Variants in PENK observed in about 807,000 individuals in gnomAD.
PENK encodes the protein proenkephalin-A.
PENK carries 25 observed loss-of-function variants against 24.1 expected under a neutral mutation model. The observed-to-expected ratio is 1.04, with a 90% confidence interval of 0.76 to 1.45. The LOEUF (loss-of-function observed/expected upper bound fraction) is 1.45, where lower values mean the gene tolerates loss of function less well. Ranked by LOEUF, PENK falls within the 40% of genes most tolerant of loss-of-function variation. The pLI is 0.00. For synonymous variants in PENK, 135 were observed against 130.3 expected, an observed-to-expected ratio of 1.04 and a Z score of -0.24; for missense variants, 353 against 337.9, an observed-to-expected ratio of 1.04 and a Z score of -0.35.
chr8:56,442,005 G>A (rs1246726703), intron 3 of PENK, 68 bp from the exon 4 acceptor site: 3 of 1,249,042 alleles, frequency 2.4e-6, no homozygotes, highest in Admixed American at 2.2e-5. Flanking sequence ...ATGAACTTTT[G>A]TGGACCAAAA....
Position 56,446,179 on chromosome 8 carries a change from C to T in PENK, c.-3-223G>A, listed in dbSNP as rs1423762837. The stretch of plus-strand genomic sequence containing the variant: ...CGGGATGGCGCGGTCGCCCCCAACG[C>T]GAGGCTGCCTGGGGCACCCGGCTCT... On this transcript the variant is annotated intron_variant, in intron 2 of 3. Coordinates refer to ENST00000451791, the MANE Select transcript of PENK (RefSeq NM_001135690.3). The T allele has an allele frequency of 5.5e-6, 3 of 545,544 alleles. No homozygotes were observed. The Admixed American group carries it at 9.4e-5, about 17-fold the overall frequency. The allele number at this position is 545,544 out of a possible 1,614,324, so 33.8% of individuals were successfully genotyped here.
chr8:56,443,799 T>A, intron 3 of PENK: 1 of 520,640 alleles, frequency 1.9e-6, no homozygotes, highest in Non-Finnish European at 3.4e-6. Context: ...AAATGTAGGG[T>A]CCAATGCAAA....
rs578152857 is a variant in PENK at position 56,441,797 on chromosome 8, G to T, written c.279C>A (p.Ser93Arg). 6.8e-6 allele frequency: 11 copies of T among 1,614,074 alleles called. No homozygotes were observed. In the East Asian group the frequency reaches 1.6e-4, roughly 23 times the overall value. Reference protein sequence around the residue: ...TLRENSKPEESHLLAKRYGGF... With the variant: ...TLRENSKPEERHLLAKRYGGF... Reference sequence around the variant, plus strand: ...CCCCATACCTTTTGGCTAGCAAATGGCTTTCTTCCGGTTTGCTATTTTCTC... The same window carrying T: ...CCCCATACCTTTTGGCTAGCAAATGTCTTTCTTCCGGTTTGCTATTTTCTC... The change falls in exon 4 of 4, where the codon AGC becomes AGA. Residue 93 changes from serine to arginine, a missense_variant. Ser to Arg is a moderately radical substitution (Grantham distance 110). Coordinates refer to ENST00000451791, the MANE Select transcript of PENK (RefSeq NM_001135690.3).
In PENK at chr8:56,445,876, G is replaced by A. The variant is rs1804651147; in HGVS notation, c.78C>T (p.Cys26=). Residue 26 remains cysteine, a synonymous_variant, in exon 3 of 4, where the codon TGC becomes TGT. Coordinates refer to ENST00000451791, the MANE Select transcript of PENK (RefSeq NM_001135690.3). ...PGLLATVRAE[C]SQDCATCSYR... ...AGCTGCACGTCGCGCAATCCTGGCT[G>A]CATTCGGCCCGCACGGTCGCCAGGA... The A allele has an allele frequency of 6.8e-6, 11 of 1,613,068 alleles. No individual in the cohort carries two copies. In the East Asian group the frequency reaches 2.5e-4, roughly 36 times the overall value.
intron 3 of PENK, chr8:56,443,931 A>T (rs1434801395): frequency 1.4e-6 from 1 of 701,246 alleles, no homozygotes; most frequent in South Asian, 1.5e-5. Flanking sequence ...AAGTAATGAT[A>T]ATAGTAATAA....
At position 56,445,783 on chromosome 8, in the gene PENK, A is replaced by C. The variant is rs759775174; in HGVS notation, c.138+33T>G. 2.5e-6 allele frequency: 4 copies of C among 1,612,734 alleles called. No homozygotes were observed. In the South Asian group the frequency reaches 4.4e-5, roughly 18 times the overall value. On this transcript the variant is annotated intron_variant, in intron 3 of 3. Coordinates refer to ENST00000451791, the MANE Select transcript of PENK (RefSeq NM_001135690.3). ...ACTGTTGCGGAAACTCTGTCTCACA[A>C]GGTGCGCAACACTCGCCGCGCGCAA...
rs1322124726 is a variant in PENK at position 56,441,441 on chromosome 8, C to A, written c.635G>T (p.Gly212Val). 5 of 1,613,810 alleles carry A rather than the reference C, an allele frequency of 3.1e-6. No homozygotes were observed. The highest frequency in any genetic ancestry group is 4.2e-6 in the Non-Finnish European group (5 of 1,180,002). The change falls in exon 4 of 4, where the codon GGC (glycine) becomes GTC (valine). Residue 212 changes from glycine to valine, a missense_variant. Physicochemically the swap from Gly to Val is moderately radical, Grantham distance 109 (BLOSUM62 -3). Transcript: ENST00000451791. ...EAKELQKRYG[G>V]FMRRVGRPEW... is the part of the protein sequence containing the mutation. ...TGGGCGACCTACTCTTCTCATGAAG[C>A]CCCCATATCGCTTCTGCAGCTCTTT...
intron 3 of PENK, among the ~76,000 whole-genome samples, chr8:56,444,710 C>G (rs532673682): frequency 6.6e-6 from 1 of 152,332 alleles, no homozygotes; most frequent in Non-Finnish European, 1.5e-5. Flanking sequence ...AACATTTAAC[C>G]TGAAATATAT....
At chr8:56,443,948 A>G in intron 3 of PENK, 1 of 701,934 alleles carries the variant, frequency 1.4e-6, no homozygotes, top group East Asian at 2.7e-5. Flanking sequence ...ATAAGTGATA[A>G]CAACAAGAGC....
At position 56,445,805 on chromosome 8, in the gene PENK, G is replaced by C. The variant is rs764634140; in HGVS notation, c.138+11C>G. 1.9e-6 allele frequency: 3 copies of C among 1,613,302 alleles called. No individual in the cohort carries two copies. The highest frequency in any genetic ancestry group is 1.1e-5 in the South Asian group (1 of 91,088). ...ACAAGGTGCGCAACACTCGCCGCGC[G>C]CAACACTCACCAGGAAGTTGATGTC... On this transcript the variant is annotated intron_variant, in intron 3 of 3. Transcript: ENST00000451791.
At position 56,441,347 on chromosome 8, in the gene PENK, G is replaced by A. The variant is rs35794206; in HGVS notation, c.729C>T (p.Ser243=). 9,299 of 1,613,738 alleles carry A rather than the reference G, an allele frequency of 5.8e-3. 447 individuals are homozygous for A. In the African/African-American group the frequency reaches 0.11, roughly 19 times the overall value. The part of the protein sequence containing the change: ...FLKRFAEALP[S]DEEGESYSKE... ...TGGAGTAACTTTCGCCTTCTTCGTC[G>A]GAGGGCAGAGCCTCGGCAAAGCGCT... The change falls in exon 4 of 4, where the codon TCC becomes TCT. Residue 243 remains serine (S), a synonymous_variant. Coordinates refer to ENST00000451791, the MANE Select transcript of PENK (RefSeq NM_001135690.3).
intron 3 of PENK, among the ~76,000 whole-genome samples, chr8:56,443,306 G>C (rs1804591571): frequency 6.6e-6 from 1 of 152,180 alleles, no homozygotes; most frequent in East Asian, 1.9e-4. Flanking sequence ...TTCTAAAGTT[G>C]TATCTAAGTG....
At chr8:56,442,882 T>G (rs1585998507) in intron 3 of PENK, among the ~76,000 whole-genome samples, 1 of 67,352 alleles carries the variant, frequency 1.5e-5, no homozygotes, top group South Asian at 4.3e-4. Flanking sequence ...TGATCTTAAG[T>G]TTTTTTCTAT....
chr8:56,441,344 G>A lies in PENK; in HGVS notation c.732C>T (p.Asp244=), dbSNP rs756378387. 1.2e-5 allele frequency: 19 copies of A among 1,613,556 alleles called. No individual in the cohort carries two copies. The highest frequency in any genetic ancestry group is 5.5e-5 in the South Asian group (5 of 91,060). The change falls in exon 4 of 4, where the codon GAC becomes GAT. Residue 244 remains aspartate (D), a synonymous_variant. Transcript: ENST00000451791. ...LKRFAEALPS[D]EEGESYSKEV... is the part of the protein sequence containing the mutation. The stretch of plus-strand genomic sequence containing the variant: ...CTTTGGAGTAACTTTCGCCTTCTTC[G>A]TCGGAGGGCAGAGCCTCGGCAAAGC...
At chr8:56,445,776 T>A (rs1477062723) in intron 3 of PENK, 40 bp downstream of exon 3, 7 of 1,612,626 alleles carry the variant, frequency 4.3e-6, no homozygotes, top group Non-Finnish European at 5.9e-6. Flanking sequence ...GGAAACTCTG[T>A]CTCACAAGGT....
intron 3 of PENK, 91 bp downstream of exon 3, chr8:56,445,725 C>G (rs763228442): frequency 5.2e-6 from 8 of 1,552,060 alleles, no homozygotes; most frequent in Non-Finnish European, 7.1e-6. Context: ...AACCGCCATA[C>G]GCGCCGCGCG....
intron 3 of PENK, 59 bp downstream of exon 3, chr8:56,445,757 T>G: frequency 6.2e-7 from 1 of 1,606,024 alleles, no homozygotes; most frequent in Non-Finnish European, 8.5e-7. Flanking sequence ...GCAGTCCGCG[T>G]ACTGTTGCGG....
In PENK at chr8:56,441,613, C is replaced by T. The variant is rs34778389; in HGVS notation, c.463G>A (p.Asp155Asn). The part of the protein sequence containing the change: ...EEDDSLANSS[D>N]LLKELLETGD... ...GTTTCCAGAAGCTCTTTTAGCAGGTCTGAGGAATTGGCCAGCGAGTCGTCC... is the reference window on the plus strand; with the variant it reads ...GTTTCCAGAAGCTCTTTTAGCAGGTTTGAGGAATTGGCCAGCGAGTCGTCC... The change falls in exon 4 of 4, where the codon GAC (aspartate) becomes AAC (asparagine). Residue 155 changes from aspartate (D) to asparagine (N), a missense_variant. By Grantham distance (23) the Asp-to-Asn change is conservative. Coordinates refer to ENST00000451791, the MANE Select transcript of PENK (RefSeq NM_001135690.3). 440 of 1,614,054 alleles carry T rather than the reference C, an allele frequency of 2.7e-4. 1 individual carries two copies. In the African/African-American group the frequency reaches 5.4e-3, roughly 20 times the overall value.
chr8:56,445,472 G>C (rs1804638527), intron 3 of PENK: 1 of 505,336 alleles, frequency 2.0e-6, no homozygotes, highest in East Asian at 2.9e-5. Context: ...TCTTCCTTCT[G>C]ACAGCCCAGG....
Sources: allele counts gnomAD v4.1 joint callset (sites outside exome capture counted in the v4.1 genomes callset), GRCh38; gene constraint gnomAD v4.1.1; transcripts MANE v1.5; gene names NCBI Gene and HGNC (gene_info 2026-07-23, HGNC 2026-07-21).